The following XKR6 variants were observed in gnomAD, a reference collection of about 807,000 sequenced individuals.
The protein encoded by XKR6 is XK-related protein 6.
A neutral mutation model predicts 56.7 loss-of-function variants in XKR6; 22 were observed. That is an observed-to-expected ratio of 0.39 (90% confidence interval 0.28 to 0.55). XKR6 has a LOEUF of 0.55. Among genes scored for constraint, XKR6 ranks in the 20% least tolerant of loss-of-function variants. The probability of loss-of-function intolerance (pLI) is 0.66; values close to 1 mark genes in which losing one functional copy is unlikely to be tolerated. For missense variants in XKR6, 852 were observed against 889.0 expected, an observed-to-expected ratio of 0.96 and a Z score of 0.53; for synonymous variants, 524 against 387.8, an observed-to-expected ratio of 1.35 and a Z score of -4.13.
intron 1 of XKR6, among the ~76,000 whole-genome samples, chr8:10,998,348 A>T (rs940258329): frequency 6.6e-6 from 1 of 152,164 alleles, no homozygotes; most frequent in African/African-American, 2.4e-5. Flanking sequence ...CAGCTGTCAC[A>T]TCTGCAGAAT....
At chr8:11,161,194 C>G (rs939630958) in intron 1 of XKR6, among the ~76,000 whole-genome samples, 3 of 152,172 alleles carry the variant, frequency 2.0e-5, no homozygotes, top group Admixed American at 6.5e-5. Flanking sequence ...GGATGGAATT[C>G]AAGGAACCAA....
chr8:11,147,607 G>C (rs763908167), intron 1 of XKR6, among the ~76,000 whole-genome samples: 1 of 148,284 alleles, frequency 6.7e-6, no homozygotes, highest in East Asian at 2.0e-4. Flanking sequence ...AGTGAGCCAA[G>C]ATCGTGCCAC....
At chr8:11,023,040 C>T (rs1307180073) in intron 1 of XKR6, among the ~76,000 whole-genome samples, 1 of 152,154 alleles carries the variant, frequency 6.6e-6, no homozygotes, top group Non-Finnish European at 1.5e-5. Context: ...AATTTCAGCT[C>T]CAGTTTGCTC....
At chr8:11,164,672 C>T (rs958558348) in intron 1 of XKR6, among the ~76,000 whole-genome samples, 7 of 152,160 alleles carry the variant, frequency 4.6e-5, no homozygotes, top group Non-Finnish European at 8.8e-5. Flanking sequence ...ATACATGCCA[C>T]AATAGAGAGG....
At position 10,898,565 on chromosome 8, in the gene XKR6, G is replaced by A; in HGVS notation, c.1313C>T (p.Thr438Ile). The A allele has an allele frequency of 6.2e-7, 1 of 1,614,152 alleles. No individual in the cohort carries two copies. Among genetic ancestry groups the A allele is most frequent in the Non-Finnish European group, 8.5e-7 (1 of 1,180,028 alleles). Residue 438 changes from threonine to isoleucine, a missense_variant, in exon 3 of 3, where the codon ACT becomes ATT. This residue lies in a region of XKR6 where 199 missense variants were observed against 280.4 expected (regional missense o/e 0.71). Coordinates refer to ENST00000416569, the MANE Select transcript of XKR6 (RefSeq NM_173683.4). This position sits in a 1 kb window ranked among gnomAD's most constrained non-coding sequence, Gnocchi z 6.6. Reference sequence around the variant, plus strand: ...ATAATATGCAAACATTCGATATCGAGTCCGCCCTTCCTTGACGTTAAACCA... The same window carrying A: ...ATAATATGCAAACATTCGATATCGAATCCGCCCTTCCTTGACGTTAAACCA... The part of the protein sequence containing the change: ...FCWFNVKEGR[T>I]RYRMFAYYTI...
At chr8:10,981,124 A>C (rs181779252) in intron 1 of XKR6, among the ~76,000 whole-genome samples, 1 of 152,178 alleles carries the variant, frequency 6.6e-6, no homozygotes, top group East Asian at 1.9e-4. Flanking sequence ...CCCACTGTCA[A>C]CCAGGCCCAG....
In XKR6 at chr8:11,121,628, G is replaced by C. The variant is rs536014842; in HGVS notation, c.764+78948C>G. 2.0e-5 allele frequency among the ~76,000 whole-genome samples: 3 copies of C among 152,312 alleles called. No individual in the cohort carries two copies. In the East Asian group the frequency reaches 5.8e-4, roughly 29 times the overall value. On this transcript the variant is annotated intron_variant, in intron 1 of 2. Coordinates refer to ENST00000416569, the MANE Select transcript of XKR6 (RefSeq NM_173683.4). The stretch of plus-strand genomic sequence containing the variant: ...CAACCATTGTGGAAGTCAGTGTGGC[G>C]ATTCCTCAGGGATCTAGAACGGGAA...
intron 2 of XKR6, among the ~76,000 whole-genome samples, chr8:10,920,202 C>T (rs368631594): frequency 6.6e-6 from 1 of 152,088 alleles, no homozygotes; most frequent in Non-Finnish European, 1.5e-5. Context: ...AAAGCAAGGT[C>T]GGTGAGCCAC....
Position 11,132,432 on chromosome 8 carries a change from C to G in XKR6, c.764+68144G>C, listed in dbSNP as rs573086469. On this transcript the variant is annotated intron_variant, in intron 1 of 2. Coordinates refer to ENST00000416569, the MANE Select transcript of XKR6 (RefSeq NM_173683.4). ...GGAGTGTGGTGGTGCAATCTCGGAT[C>G]GCTCACTGCAACCTCCGCCTCCCAG... 1.2e-4 allele frequency among the ~76,000 whole-genome samples: 18 copies of G among 151,830 alleles called. No homozygotes were observed. In the East Asian group the frequency reaches 3.5e-3, roughly 29 times the overall value.
intron 1 of XKR6, among the ~76,000 whole-genome samples, chr8:10,991,858 C>A (rs1184405944): frequency 6.6e-6 from 1 of 152,338 alleles, no homozygotes; most frequent in East Asian, 1.9e-4. Context: ...AAACACTGTT[C>A]TTCCCTGTTT....
intron 1 of XKR6, among the ~76,000 whole-genome samples, chr8:11,132,860 T>G (rs979832604): frequency 2.0e-4 from 20 of 100,736 alleles, no homozygotes; most frequent in Non-Finnish European, 3.2e-4. Context: ...GTATGATGTG[T>G]GAAAAAAAAA....
intron 1 of XKR6, among the ~76,000 whole-genome samples, chr8:11,010,745 C>G (rs145429620): frequency 1.3e-5 from 2 of 151,890 alleles, no homozygotes; most frequent in African/African-American, 4.8e-5. Flanking sequence ...TCTTTACTAC[C>G]TTTTTTTCTA....
intron 1 of XKR6, among the ~76,000 whole-genome samples, chr8:11,087,004 C>A (rs902592588): frequency 5.3e-5 from 8 of 152,208 alleles, no homozygotes; most frequent in Non-Finnish European, 8.8e-5. Context: ...GAAACTCTGC[C>A]TTTACTTCCA....
intron 1 of XKR6, among the ~76,000 whole-genome samples, chr8:11,144,785 C>G (rs1442615570): frequency 1.3e-5 from 2 of 151,794 alleles, no homozygotes; most frequent in African/African-American, 4.8e-5. Context: ...AATTAAAGTC[C>G]TCATCTCCAG....
chr8:10,974,464 T>A (rs528293332), intron 1 of XKR6, among the ~76,000 whole-genome samples: 1 of 152,268 alleles, frequency 6.6e-6, no homozygotes, highest in Non-Finnish European at 1.5e-5. Context: ...GGCTACCATC[T>A]CCCTGACCAA....
chr8:11,126,142 C>T (rs1486046598), intron 1 of XKR6: 1 of 151,856 alleles, frequency 6.6e-6, no homozygotes, highest in East Asian at 1.9e-4. Flanking sequence ...GATCTCGGCT[C>T]ACTGCAACCT....
intron 1 of XKR6, among the ~76,000 whole-genome samples, chr8:11,017,849 G>C (rs944235192): frequency 6.6e-6 from 1 of 152,196 alleles, no homozygotes; most frequent in Non-Finnish European, 1.5e-5. Context: ...TGTGGGGCTG[G>C]ATCCCCGGAT....
chr8:11,162,234 TG>T lies in XKR6; in HGVS notation c.764+38341del, dbSNP rs775477085. ...GAAAGCTGGGAAAGTTGAGGAGAAG[TG>T]GTTGCTGCCCGTGGGCTGTTTAAAT... On this transcript the variant is annotated intron_variant, in intron 1 of 2. Coordinates refer to ENST00000416569, the MANE Select transcript of XKR6 (RefSeq NM_173683.4). Among the ~76,000 whole-genome samples the T allele has an allele frequency of 2.0e-5, 3 of 152,154 alleles. No individual in the cohort carries two copies. In the East Asian group the frequency reaches 5.8e-4, roughly 29 times the overall value.
At chr8:11,110,331 T>C (rs1470918227) in intron 1 of XKR6, among the ~76,000 whole-genome samples, 1 of 152,188 alleles carries the variant, frequency 6.6e-6, no homozygotes, top group Non-Finnish European at 1.5e-5. Context: ...ACCAGCCAAT[T>C]TCTCTTAAAA....
Sources: allele counts gnomAD v4.1 joint callset (sites outside exome capture counted in the v4.1 genomes callset), GRCh38; gene constraint gnomAD v4.1.1; regional missense constraint gnomAD v4.1.1; non-coding constraint Gnocchi (gnomAD v3.1); transcripts MANE v1.5; gene names NCBI Gene and HGNC (gene_info 2026-07-23, HGNC 2026-07-21).